The following AGAP1 variants were observed in gnomAD, a reference collection of about 807,000 sequenced individuals.
AGAP1 encodes ArfGAP with GTPase domain, ankyrin repeat and PH domain 1.
AGAP1 carries 29 observed loss-of-function variants against 105.3 expected under a neutral mutation model. That is an observed-to-expected ratio of 0.28 (90% CI 0.21 to 0.38). AGAP1 has a LOEUF of 0.38. Ranked by LOEUF, AGAP1 falls within the 10% of genes least tolerant of loss-of-function variation. The pLI is 1.00. For missense variants in AGAP1, 998 were observed against 1,165.1 expected (o/e 0.86, Z 2.09); for synonymous variants, 509 against 485.9 (o/e 1.05, Z -0.63).
intron 9 of AGAP1, among the ~76,000 whole-genome samples, chr2:235,836,305 G>A (rs981554802): frequency 3.3e-5 from 5 of 152,202 alleles, no homozygotes; most frequent in African/African-American, 1.2e-4. Flanking sequence ...GCAATATTGA[G>A]TGAGTAATAC....
intron 11 of AGAP1, among the ~76,000 whole-genome samples, chr2:235,913,046 C>T (rs1231019875): frequency 6.6e-6 from 1 of 152,046 alleles, no homozygotes; most frequent in Non-Finnish European, 1.5e-5. Flanking sequence ...GGTATTTCCC[C>T]AGTTTATTAT....
In AGAP1 at chr2:235,532,170, G is replaced by A. The variant is rs59837776; in HGVS notation, c.163+37321G>A. On this transcript the variant is annotated intron_variant, in intron 1 of 17. Coordinates refer to ENST00000304032, the MANE Select transcript of AGAP1 (RefSeq NM_001037131.3). Reference sequence around the variant, plus strand: ...GTTGCCTATAATTCTTCTAGCTGGAGGTACCTGCTGTTACTCTTGGGGATG... The same window carrying A: ...GTTGCCTATAATTCTTCTAGCTGGAAGTACCTGCTGTTACTCTTGGGGATG... Among the ~76,000 whole-genome samples the A allele has an allele frequency of 4.3e-3, 649 of 152,302 alleles. 3 individuals are homozygous for A. The highest frequency in any genetic ancestry group is 0.014 in the African/African-American group (596 of 41,554).
In AGAP1 at chr2:235,855,129, G is replaced by A. The variant is rs1240786910; in HGVS notation, c.1051-28216G>A. On this transcript the variant is annotated intron_variant, in intron 9 of 17. Transcript: ENST00000304032. This position sits in a 1 kb window ranked among gnomAD's most constrained non-coding sequence, Gnocchi z 5.0. ...AGGTTTAAAGGCAAAAAAAGCTGAA[G>A]GTATTTGTCTGTGATGTTCAACAAA... Among the ~76,000 whole-genome samples the A allele has an allele frequency of 2.0e-5, 3 of 152,224 alleles. No homozygotes were observed. The South Asian group carries it at 6.2e-4, about 31-fold the overall frequency.
Position 235,866,143 on chromosome 2 carries a change from C to G in AGAP1, c.1051-17202C>G, listed in dbSNP as rs1257780770. Among the ~76,000 whole-genome samples the G allele has an allele frequency of 6.6e-6, 1 of 152,280 alleles. No individual in the cohort carries two copies. The highest frequency in any genetic ancestry group is 2.4e-5 in the African/African-American group (1 of 41,542). On this transcript the variant is annotated intron_variant, in intron 9 of 17. Transcript: ENST00000304032. This position sits in a 1 kb window ranked among gnomAD's most constrained non-coding sequence, Gnocchi z 6.1. Reference sequence around the variant, plus strand: ...TTTAGTTAGGCAGCAGCATGCGATGCCCTGTGCGCATCTTTATTTTTGGTT... The same window carrying G: ...TTTAGTTAGGCAGCAGCATGCGATGGCCTGTGCGCATCTTTATTTTTGGTT...
rs1015489643 is a variant in AGAP1, at chr2:235,542,570, T to A, written c.163+47721T>A. Reference sequence around the variant, plus strand: ...TCCTGACCCATGTGATACTGATACATACCTTTGATGTGTCCATTCAGATTA... The same window carrying A: ...TCCTGACCCATGTGATACTGATACAAACCTTTGATGTGTCCATTCAGATTA... On this transcript the variant is annotated intron_variant, in intron 1 of 17. Coordinates refer to ENST00000304032, the MANE Select transcript of AGAP1 (RefSeq NM_001037131.3). Among the ~76,000 whole-genome samples, 12 of 148,710 alleles carry A rather than the reference T, an allele frequency of 8.1e-5. 1 individual carries two copies. Among genetic ancestry groups the A allele is most frequent in the African/African-American group, 2.9e-4 (11 of 38,170 alleles).
intron 16 of AGAP1, among the ~76,000 whole-genome samples, chr2:236,086,257 C>T (rs73127515): frequency 7.2e-4 from 109 of 152,300 alleles, no homozygotes; most frequent in African/African-American, 2.5e-3. Context: ...GTGGTACTAA[C>T]GTGCCCCCCA....
In AGAP1 at chr2:235,660,186, G is replaced by T. The variant is rs1345400801; in HGVS notation, c.164-48993G>T. On this transcript the variant is annotated intron_variant, in intron 1 of 17. Transcript: ENST00000304032. The surrounding 1 kb of genome is among the most constrained non-coding windows in gnomAD (Gnocchi z 5.3). ...CCACCCAAGATCAGCTGCGGCTGAGGATTTTTGTGGCTAGGGGAAGAAGTG... is the reference window on the plus strand; with the variant it reads ...CCACCCAAGATCAGCTGCGGCTGAGTATTTTTGTGGCTAGGGGAAGAAGTG... 1.3e-5 allele frequency among the ~76,000 whole-genome samples: 2 copies of T among 152,174 alleles called. No individual in the cohort carries two copies. Among genetic ancestry groups the T allele is most frequent in the African/African-American group, 4.8e-5 (2 of 41,442 alleles).
Position 236,096,298 on chromosome 2 carries a change from G to A in AGAP1, c.2115-23894G>A, listed in dbSNP as rs891031005. Among the ~76,000 whole-genome samples, 8 of 152,034 alleles carry A rather than the reference G, an allele frequency of 5.3e-5. No individual in the cohort carries two copies. ...GGGGAATCCCTGAGGTTAGAAGTTC[G>A]AGACCAGCCTGGCCAACATAGTGAA... On this transcript the variant is annotated intron_variant, in intron 16 of 17. Coordinates refer to ENST00000304032, the MANE Select transcript of AGAP1 (RefSeq NM_001037131.3). This position sits in a 1 kb window ranked among gnomAD's most constrained non-coding sequence, Gnocchi z 4.4.
At position 235,631,328 on chromosome 2, in the gene AGAP1, G is replaced by A. The variant is rs963789594; in HGVS notation, c.164-77851G>A. Among the ~76,000 whole-genome samples, 2 of 152,188 alleles carry A rather than the reference G, an allele frequency of 1.3e-5. No individual in the cohort carries two copies. The highest frequency in any genetic ancestry group is 2.9e-5 in the Non-Finnish European group (2 of 68,038). ...GAGTTCAACTGAAAAGTCAAGCATG[G>A]CGCAAGGAAGGACGATGGATTAGCC... On this transcript the variant is annotated intron_variant, in intron 1 of 17. Coordinates refer to ENST00000304032, the MANE Select transcript of AGAP1 (RefSeq NM_001037131.3). The surrounding 1 kb of genome is among the most constrained non-coding windows in gnomAD (Gnocchi z 5.4).
At position 236,078,800 on chromosome 2, in the gene AGAP1, G is replaced by A. The variant is rs965999014; in HGVS notation, c.2114+29519G>A. 2.6e-5 allele frequency among the ~76,000 whole-genome samples: 4 copies of A among 152,138 alleles called. No individual in the cohort carries two copies. The highest frequency in any genetic ancestry group is 9.7e-5 in the African/African-American group (4 of 41,432). On this transcript the variant is annotated intron_variant, in intron 16 of 17. Coordinates refer to ENST00000304032, the MANE Select transcript of AGAP1 (RefSeq NM_001037131.3). This position sits in a 1 kb window ranked among gnomAD's most constrained non-coding sequence, Gnocchi z 5.3. Reference sequence around the variant, plus strand: ...TTGAGCCAGACTGGTCGTTCTGCCAGGTTGGTTGCCCACCCTCCTACCCCT... The same window carrying A: ...TTGAGCCAGACTGGTCGTTCTGCCAAGTTGGTTGCCCACCCTCCTACCCCT...
At position 235,867,953 on chromosome 2, in the gene AGAP1, T is replaced by TATAG. The variant is rs2106548145; in HGVS notation, c.1051-15391_1051-15388dup. 6.6e-6 allele frequency among the ~76,000 whole-genome samples: 1 copy of TATAG among 152,250 alleles called. No homozygotes were observed. Among genetic ancestry groups the TATAG allele is most frequent in the East Asian group, 1.9e-4 (1 of 5,178 alleles). ...GTCAGCCACAGTTTTAATACATGTTTATAGGGGGAAAAATCTTAATTAGAA... is the reference window on the plus strand; with the variant it reads ...GTCAGCCACAGTTTTAATACATGTTTATAGATAGGGGGAAAAATCTTAATTAGAA... On this transcript the variant is annotated intron_variant, in intron 9 of 17. Coordinates refer to ENST00000304032, the MANE Select transcript of AGAP1 (RefSeq NM_001037131.3). The surrounding 1 kb of genome is among the most constrained non-coding windows in gnomAD (Gnocchi z 5.4).
rs2052497658 is a variant in AGAP1, at chr2:235,927,277, AG to A, written c.1325-3486del. 6.6e-6 allele frequency among the ~76,000 whole-genome samples: 1 copy of A among 152,064 alleles called. No homozygotes were observed. Among genetic ancestry groups the A allele is most frequent in the African/African-American group, 2.4e-5 (1 of 41,414 alleles). ...ACCAGGAGCATGTGGTCTTGCCAGG[AG>A]GTTCGTCACCCCAGAGGTTCCAGGT... On this transcript the variant is annotated intron_variant, in intron 11 of 17. Coordinates refer to ENST00000304032, the MANE Select transcript of AGAP1 (RefSeq NM_001037131.3). This position sits in a 1 kb window ranked among gnomAD's most constrained non-coding sequence, Gnocchi z 4.4.
At position 235,596,758 on chromosome 2, in the gene AGAP1, A is replaced by G. The variant is rs541245016; in HGVS notation, c.163+101909A>G. Among the ~76,000 whole-genome samples, 66 of 152,310 alleles carry G rather than the reference A, an allele frequency of 4.3e-4. 1 individual carries two copies. The South Asian group carries it at 0.013, about 30-fold the overall frequency. On this transcript the variant is annotated intron_variant, in intron 1 of 17. Coordinates refer to ENST00000304032, the MANE Select transcript of AGAP1 (RefSeq NM_001037131.3). This position sits in a 1 kb window ranked among gnomAD's most constrained non-coding sequence, Gnocchi z 5.9. ...CCCAGTCCTAGTGATGAGAAAAGCA[A>G]TGATGTTTCCCAAGGCCGGGGCTGT...
At chr2:235,643,299 C>T (rs1427271782) in intron 1 of AGAP1, among the ~76,000 whole-genome samples, 5 of 151,490 alleles carry the variant, frequency 3.3e-5, no homozygotes, top group East Asian at 1.9e-4. Flanking sequence ...GGTGTGGTGG[C>T]GGGCACCTGT....
chr2:235,532,900 C>T (rs1355556587), intron 1 of AGAP1, among the ~76,000 whole-genome samples: 1 of 151,990 alleles, frequency 6.6e-6, no homozygotes, highest in Non-Finnish European at 1.5e-5. Context: ...GTTACCCACC[C>T]AGTGCTGCTT....
chr2:236,082,596 A>T lies in AGAP1; in HGVS notation c.2114+33315A>T, dbSNP rs2058815587. On this transcript the variant is annotated intron_variant, in intron 16 of 17. Transcript: ENST00000304032. The surrounding 1 kb of genome is among the most constrained non-coding windows in gnomAD (Gnocchi z 4.2). ...TCACCTAGTTAAAGAAAAGAGGGCC[A>T]GGTGCAACGGCTCACGCCTGTAATC... Among the ~76,000 whole-genome samples, 1 of 152,270 alleles carries T rather than the reference A, an allele frequency of 6.6e-6. No homozygotes were observed.
In AGAP1 at chr2:235,963,505, A is replaced by G. The variant is rs1276159718; in HGVS notation, c.1484-4957A>G. Among the ~76,000 whole-genome samples, 1 of 152,246 alleles carries G rather than the reference A, an allele frequency of 6.6e-6. No individual in the cohort carries two copies. The highest frequency in any genetic ancestry group is 1.5e-5 in the Non-Finnish European group (1 of 68,040). Reference sequence around the variant, plus strand: ...GCCCTTTATCGTTTTCAGTTGTCAAAAATACGTGTGAGTTGGGTACCATAT... The same window carrying G: ...GCCCTTTATCGTTTTCAGTTGTCAAGAATACGTGTGAGTTGGGTACCATAT... On this transcript the variant is annotated intron_variant, in intron 12 of 17. Coordinates refer to ENST00000304032, the MANE Select transcript of AGAP1 (RefSeq NM_001037131.3). This position sits in a 1 kb window ranked among gnomAD's most constrained non-coding sequence, Gnocchi z 5.1.
chr2:235,495,669 C>T (rs1941285849), intron 1 of AGAP1, among the ~76,000 whole-genome samples: 1 of 152,246 alleles, frequency 6.6e-6, no homozygotes, highest in African/African-American at 2.4e-5. Context: ...CAGCAGTCTG[C>T]CTTCCGGGGC....
At chr2:236,030,165 C>T (rs945494794) in intron 13 of AGAP1, among the ~76,000 whole-genome samples, 1 of 152,164 alleles carries the variant, frequency 6.6e-6, no homozygotes, top group African/African-American at 2.4e-5. Context: ...CTGTGATCGT[C>T]TTGATATTTG....
Sources: gnomAD v4.1 joint callset for allele counts (sites outside exome capture counted in the v4.1 genomes callset) on GRCh38, gnomAD v4.1.1 for gene constraint, Gnocchi (gnomAD v3.1) non-coding constraint, MANE v1.5 for transcripts, NCBI Gene and HGNC (gene_info 2026-07-23, HGNC 2026-07-21) for gene names.